SMYD3: variants seen among roughly 807,000 people sequenced by gnomAD.
The protein encoded by SMYD3 is histone-lysine N-methyltransferase SMYD3.
In SMYD3, 36 loss-of-function variants were observed where a neutral mutation model predicts 57.7. The observed-to-expected ratio is 0.62, with a 90% CI of 0.48 to 0.82. The LOEUF (loss-of-function observed/expected upper bound fraction) is 0.82, where lower values mean the gene tolerates loss of function less well. SMYD3 is among the 40% of genes least tolerant of loss of function. The pLI, the probability that SMYD3 is intolerant of heterozygous loss-of-function variation, is 0.00. For missense variants in SMYD3, 515 were observed against 538.8 expected, an observed-to-expected ratio of 0.96 and a Z score of 0.44; for synonymous variants, 211 against 195.0, an observed-to-expected ratio of 1.08 and a Z score of -0.68.
intron 5 of SMYD3, among the ~76,000 whole-genome samples, chr1:245,975,997 T>C (rs74979775): frequency 8.0e-3 from 43 of 5,384 alleles, no homozygotes; most frequent in East Asian, 0.077. Flanking sequence ...GTCTCCGGCC[T>C]AGGGAAAGCC....
chr1:246,140,343 T>C (rs964048101), intron 5 of SMYD3, among the ~76,000 whole-genome samples: 1 of 152,230 alleles, frequency 6.6e-6, no homozygotes, highest in Non-Finnish European at 1.5e-5. Context: ...GTATTCATCT[T>C]GTACACGTAT....
intron 10 of SMYD3, among the ~76,000 whole-genome samples, chr1:245,774,805 A>G (rs1359195878): frequency 6.6e-6 from 1 of 150,616 alleles, no homozygotes; most frequent in Non-Finnish European, 1.5e-5. Context: ...TCCCTGCCTG[A>G]TTCTCCTGCC....
At chr1:246,176,160 C>T (rs756326266) in intron 5 of SMYD3, among the ~76,000 whole-genome samples, 1 of 152,138 alleles carries the variant, frequency 6.6e-6, no homozygotes, top group African/African-American at 2.4e-5. Flanking sequence ...ACCCCCTCAC[C>T]AGTAACCACA....
At chr1:245,886,673 G>GCT (rs931075611) in intron 8 of SMYD3, among the ~76,000 whole-genome samples, 7 of 152,258 alleles carry the variant, frequency 4.6e-5, no homozygotes, top group African/African-American at 1.7e-4. Context: ...CTCTCTACAA[G>GCT]CTCTTCTTCT....
chr1:246,273,148 T>TGG (rs2064256474), intron 5 of SMYD3, among the ~76,000 whole-genome samples: 1 of 132,800 alleles, frequency 7.5e-6, no homozygotes, highest in African/African-American at 3.0e-5. Context: ...TTTTTTTTTT[T>TGG]TTTTCTTTTT....
At chr1:246,128,514 CTTAT>C (rs1398278903) in intron 5 of SMYD3, among the ~76,000 whole-genome samples, 2 of 152,090 alleles carry the variant, frequency 1.3e-5, no homozygotes, top group Non-Finnish European at 2.9e-5. Context: ...ACATAGAAAT[CTTAT>C]TTAATTTTTA....
chr1:246,355,693 CA>C lies in SMYD3; in HGVS notation c.165-600del, dbSNP rs2148706628. Among the ~76,000 whole-genome samples, 1 of 152,212 alleles carries C rather than the reference CA, an allele frequency of 6.6e-6. No homozygotes were observed. Among genetic ancestry groups the C allele is most frequent in the South Asian group, 2.1e-4 (1 of 4,822 alleles). ...TGCTGGCTTTCCCCCACTTCTCTGG[CA>C]GCCTGTGTGACCCAGCAGAAGCAGC... On this transcript the variant is annotated intron_variant, in intron 1 of 11. Transcript: ENST00000490107. This position sits in a 1 kb window ranked among gnomAD's most constrained non-coding sequence, Gnocchi z 5.0.
chr1:245,931,340 C>A (rs1463574062), intron 5 of SMYD3, among the ~76,000 whole-genome samples: 1 of 152,128 alleles, frequency 6.6e-6, no homozygotes, highest in Non-Finnish European at 1.5e-5. Flanking sequence ...GGTAGCACAG[C>A]CAACAGGCCT....
rs1169549973 is a variant in SMYD3 at position 246,507,125 on chromosome 1, G to A, written c.93C>T (p.Phe31=). Reference sequence around the variant, plus strand: ...CCGTGTACGCCAAGGGATCCGAGCGGAAGAGTAGCTCTCCGGGGCGCAGCG... The same window carrying A: ...CCGTGTACGCCAAGGGATCCGAGCGAAAGAGTAGCTCTCCGGGGCGCAGCG... ...VTPLRPGELL[F]RSDPLAYTVC... Residue 31 remains phenylalanine, a synonymous_variant, in exon 1 of 12, where the codon TTC becomes TTT. Coordinates refer to ENST00000490107, the MANE Select transcript of SMYD3 (RefSeq NM_001167740.2). 2.0e-6 allele frequency: 3 copies of A among 1,534,234 alleles called. No individual in the cohort carries two copies. Among genetic ancestry groups the A allele is most frequent in the Non-Finnish European group, 2.6e-6 (3 of 1,140,482 alleles).
At chr1:245,987,536 CTT>C (rs1558561365) in intron 5 of SMYD3, among the ~76,000 whole-genome samples, 1 of 152,248 alleles carries the variant, frequency 6.6e-6, no homozygotes, top group Non-Finnish European at 1.5e-5. Flanking sequence ...TCCACTGAAA[CTT>C]TTCCATGTTC....
rs148689618 is a variant in SMYD3 at position 246,055,203 on chromosome 1, T to C, written c.532-125266A>G. On this transcript the variant is annotated intron_variant, in intron 5 of 11. Transcript: ENST00000490107. The stretch of plus-strand genomic sequence containing the variant: ...AAAAAAACAAAAAAAAAAACAAATG[T>C]TGGCAAGGATGTAGAGAAACTGGAA... Among the ~76,000 whole-genome samples, 4 of 151,514 alleles carry C rather than the reference T, an allele frequency of 2.6e-5. No homozygotes were observed. The East Asian group carries it at 7.8e-4, about 29-fold the overall frequency.
At chr1:246,317,053 C>G (rs1439320313) in intron 5 of SMYD3, among the ~76,000 whole-genome samples, 1 of 151,466 alleles carries the variant, frequency 6.6e-6, no homozygotes, top group Non-Finnish European at 1.5e-5. Context: ...CTAAGAATGA[C>G]AGTTTAAAAT....
chr1:245,955,576 T>G (rs2057815309), intron 5 of SMYD3, among the ~76,000 whole-genome samples: 3 of 152,334 alleles, frequency 2.0e-5, no homozygotes, highest in Admixed American at 6.5e-5. Context: ...TAGATTTACC[T>G]GATACCTGAG....
At chr1:246,031,316 T>G (rs902107160) in intron 5 of SMYD3, among the ~76,000 whole-genome samples, 1 of 152,180 alleles carries the variant, frequency 6.6e-6, no homozygotes, top group Non-Finnish European at 1.5e-5. Flanking sequence ...ACTTCTGGAA[T>G]CTTATTTAGG....
At chr1:246,191,929 A>T (rs1382033894) in intron 5 of SMYD3, among the ~76,000 whole-genome samples, 1 of 152,208 alleles carries the variant, frequency 6.6e-6, no homozygotes, top group Non-Finnish European at 1.5e-5. Flanking sequence ...GGTTATTCTG[A>T]TGCACCTTGA....
intron 5 of SMYD3, among the ~76,000 whole-genome samples, chr1:246,304,184 T>A (rs577582065): frequency 1.1e-4 from 17 of 152,322 alleles, no homozygotes; most frequent in Non-Finnish European, 2.2e-4. Flanking sequence ...AAAGATACTA[T>A]ATTTCAGATG....
chr1:245,926,243 G>A (rs958922381), intron 7 of SMYD3, among the ~76,000 whole-genome samples: 2 of 152,330 alleles, frequency 1.3e-5, no homozygotes, highest in Middle Eastern at 3.4e-3. Flanking sequence ...TGGAATCTGG[G>A]GGACATGTTT....
chr1:246,348,164 C>T (rs918773331), intron 2 of SMYD3, among the ~76,000 whole-genome samples: 2 of 150,564 alleles, frequency 1.3e-5, no homozygotes, highest in African/African-American at 4.9e-5. Flanking sequence ...GCCTGTAATC[C>T]CAGCACTTTG....
At chr1:245,896,398 A>AAAAAC (rs1481395824) in intron 8 of SMYD3, among the ~76,000 whole-genome samples, 1 of 151,152 alleles carries the variant, frequency 6.6e-6, no homozygotes, top group Non-Finnish European at 1.5e-5. Flanking sequence ...TCAAAAAAAA[A>AAAAAC]AAAAAAAACA....
Sources: gnomAD v4.1 joint callset for allele counts (sites outside exome capture counted in the v4.1 genomes callset) on GRCh38, gnomAD v4.1.1 for gene constraint, Gnocchi (gnomAD v3.1) non-coding constraint, MANE v1.5 for transcripts, NCBI Gene and HGNC (gene_info 2026-07-23, HGNC 2026-07-21) for gene names.